The following CLASP1 variants were observed in gnomAD, a reference collection of about 807,000 sequenced individuals.
The protein encoded by CLASP1 is cytoplasmic linker associated protein 1, also known as CLIP-associating protein 1.
In CLASP1, 38 loss-of-function variants were observed where a neutral mutation model predicts 192.3. The ratio of observed to expected loss-of-function variants is 0.20; its 90% CI spans 0.15 to 0.26. The LOEUF is 0.26. CLASP1 is among the 10% of genes least tolerant of loss of function. The pLI, the probability that CLASP1 is intolerant of heterozygous loss-of-function variation, is 1.00. For missense variants in CLASP1, 1,433 were observed against 1,932.5 expected (o/e 0.74, Z 4.85); for synonymous variants, 691 against 712.8 (o/e 0.97, Z 0.49).
At chr2:121,527,269 A>G (rs2094596612) in intron 5 of CLASP1, among the ~76,000 whole-genome samples, 1 of 152,250 alleles carries the variant, frequency 6.6e-6, no homozygotes, top group Non-Finnish European at 1.5e-5. Context: ...AGTTTAACCA[A>G]CTGTGACACA....
rs187831890 is a variant in CLASP1 at position 121,574,226 on chromosome 2, G to A, written c.195+31475C>T. 5.3e-5 allele frequency among the ~76,000 whole-genome samples: 8 copies of A among 152,130 alleles called. No individual in the cohort carries two copies. In the East Asian group the frequency reaches 1.5e-3, roughly 29 times the overall value. On this transcript the variant is annotated intron_variant, in intron 2 of 39. Coordinates refer to ENST00000263710, the Ensembl canonical transcript of CLASP1. ...GCCTATAGTCCCAGTTACTCGGGAG[G>A]CTGAGTCAGGAGAATGGCATGAACC...
intron 2 of CLASP1, among the ~76,000 whole-genome samples, chr2:121,590,150 C>T (rs2062214784): frequency 6.6e-6 from 1 of 152,076 alleles, no homozygotes; most frequent in Admixed American, 6.6e-5. Context: ...TGGCCCATTC[C>T]AAAGGAAAAA....
At chr2:121,344,265 C>T (rs1377713459) in intron 39 of CLASP1, among the ~76,000 whole-genome samples, 1 of 152,074 alleles carries the variant, frequency 6.6e-6, no homozygotes, top group African/African-American at 2.4e-5. Flanking sequence ...ACAGAGGTTC[C>T]TTCCCTTCAT....
chr2:121,482,895 C>T (rs185626297), intron 8 of CLASP1, among the ~76,000 whole-genome samples: 5 of 152,256 alleles, frequency 3.3e-5, no homozygotes, highest in Non-Finnish European at 5.9e-5. Flanking sequence ...TCCCCAGGAC[C>T]GGACAGACTC....
At chr2:121,480,197 G>T (rs1372741894) in intron 8 of CLASP1, among the ~76,000 whole-genome samples, 1 of 152,200 alleles carries the variant, frequency 6.6e-6, no homozygotes, top group Non-Finnish European at 1.5e-5. Flanking sequence ...GAGGTCAAAT[G>T]GGACGACACC....
intron 7 of CLASP1, chr2:121,505,509 C>T (rs1032591646): frequency 6.6e-6 from 1 of 151,712 alleles, no homozygotes; most frequent in African/African-American, 2.4e-5. Flanking sequence ...GACAGTCTAA[C>T]ACCAACAAAG....
At chr2:121,376,745 A>G (rs2070322274) in intron 34 of CLASP1, among the ~76,000 whole-genome samples, 1 of 152,192 alleles carries the variant, frequency 6.6e-6, no homozygotes, top group Admixed American at 6.5e-5. Context: ...CATTGCTCAC[A>G]TTACTGCCTG....
chr2:121,353,965 G>A (rs758326448), intron 37 of CLASP1, among the ~76,000 whole-genome samples: 1 of 152,096 alleles, frequency 6.6e-6, no homozygotes, highest in Non-Finnish European at 1.5e-5. Context: ...TTTTGTAGGG[G>A]TCTCAGTATG....
At chr2:121,629,857 T>A (rs890754668) in intron 1 of CLASP1, among the ~76,000 whole-genome samples, 4 of 103,698 alleles carry the variant, frequency 3.9e-5, no homozygotes, top group African/African-American at 3.3e-4. Flanking sequence ...AATAAAAACT[T>A]TTTTTTATAT....
intron 2 of CLASP1, among the ~76,000 whole-genome samples, chr2:121,586,149 A>C (rs1367872143): frequency 1.3e-5 from 2 of 151,994 alleles, no homozygotes; most frequent in Non-Finnish European, 2.9e-5. Context: ...TTTTTTTGAG[A>C]CATAGTCTCC....
chr2:121,482,356 T>C (rs149509432), intron 8 of CLASP1, among the ~76,000 whole-genome samples: 264 of 152,182 alleles, frequency 1.7e-3, no homozygotes, highest in Non-Finnish European at 2.2e-3. Context: ...CTCCAAGTCA[T>C]GTCCAGGAGT....
rs181546192 is a variant in CLASP1, at chr2:121,542,002, C to A, written c.196-11677G>T. Among the ~76,000 whole-genome samples, 325 of 152,226 alleles carry A rather than the reference C, an allele frequency of 2.1e-3. 2 individuals carry two copies. The highest frequency in any genetic ancestry group is 3.0e-3 in the Non-Finnish European group (204 of 68,000). ...CCTAAAATTCCATCACTCAACAATACCCCTGTTACTGTTTTGGTGACTATC... is the reference window on the plus strand; with the variant it reads ...CCTAAAATTCCATCACTCAACAATAACCCTGTTACTGTTTTGGTGACTATC... On this transcript the variant is annotated intron_variant, in intron 2 of 39. Coordinates refer to ENST00000263710, the Ensembl canonical transcript of CLASP1.
chr2:121,605,626 T>A (rs1457537047), intron 2 of CLASP1, 75 bp downstream of exon 2: 1 of 1,119,586 alleles, frequency 8.9e-7, no homozygotes, highest in East Asian at 2.4e-5. Flanking sequence ...TCACAAGGGA[T>A]TTTTATAAGG....
At chr2:121,536,064 G>A (rs2095059672) in intron 2 of CLASP1, among the ~76,000 whole-genome samples, 1 of 151,888 alleles carries the variant, frequency 6.6e-6, no homozygotes, top group Admixed American at 6.6e-5. Flanking sequence ...GAGTTGTTGT[G>A]GAAAATGGTT....
chr2:121,530,954 A>T lies in CLASP1; in HGVS notation c.196-629T>A, dbSNP rs950868962. 2.9e-6 allele frequency: 2 copies of T among 700,312 alleles called. No homozygotes were observed. The highest frequency in any genetic ancestry group is 3.5e-5 in the African/African-American group (2 of 57,190). 43.4% of individuals were successfully genotyped at this position (700,312 alleles called of 1,614,324 possible). On this transcript the variant is annotated intron_variant, in intron 2 of 39. Coordinates refer to ENST00000263710, the Ensembl canonical transcript of CLASP1. ...GGGCAGTACTGCTAACGCCTGAACA[A>T]CACACCCGCATCAACTAGAGCTTTT... is the stretch of plus-strand genomic sequence containing the variant.
At chr2:121,562,919 A>T (rs2059211887) in intron 2 of CLASP1, among the ~76,000 whole-genome samples, 1 of 152,180 alleles carries the variant, frequency 6.6e-6, no homozygotes, top group Admixed American at 6.5e-5. Flanking sequence ...TTAAAATGTT[A>T]TATGCACACA....
exon 38 of CLASP1, chr2:121,348,706 C>A: frequency 1.2e-6 from 2 of 1,604,068 alleles, no homozygotes; most frequent in Non-Finnish European, 1.7e-6. Context: ...GCCTCCTCAG[C>A]CGCTCTCACC....
At chr2:121,353,991 C>T (rs1573663021) in intron 37 of CLASP1, among the ~76,000 whole-genome samples, 2 of 152,234 alleles carry the variant, frequency 1.3e-5, no homozygotes, top group East Asian at 3.9e-4. Flanking sequence ...TGGGGTCTCG[C>T]TATGTTACCC....
chr2:121,457,844 C>T (rs1575051002), intron 13 of CLASP1, 87 bp from the exon 14 acceptor site: 1 of 860,954 alleles, frequency 1.2e-6, no homozygotes, highest in Non-Finnish European at 1.9e-6. Context: ...TACTAACCTA[C>T]TTATAGCACA....
Sources: allele counts gnomAD v4.1 joint callset (sites outside exome capture counted in the v4.1 genomes callset), GRCh38; gene constraint gnomAD v4.1.1; transcripts MANE v1.5; gene names NCBI Gene and HGNC (gene_info 2026-07-23, HGNC 2026-07-21).